The following DCLRE1C variants were observed in gnomAD, a reference collection of about 807,000 sequenced individuals.
The protein encoded by DCLRE1C is protein artemis.
Under a neutral mutation model 61.4 loss-of-function variants are expected in DCLRE1C, and 47 were observed. The ratio of observed to expected loss-of-function variants is 0.77; its 90% CI spans 0.61 to 0.98. The LOEUF (loss-of-function observed/expected upper bound fraction) is 0.98. DCLRE1C is among the 50% of genes least tolerant of loss of function. The pLI, the probability that DCLRE1C is intolerant of heterozygous loss-of-function variation, is 0.00. For synonymous variants in DCLRE1C, 337 were observed against 287.6 expected, an observed-to-expected ratio of 1.17 and a Z score of -1.74; for missense variants, 858 against 816.0, an observed-to-expected ratio of 1.05 and a Z score of -0.63.
At chr10:14,919,375 TAAG>T (rs1468387433) in intron 13 of DCLRE1C, among the ~76,000 whole-genome samples, 1 of 151,760 alleles carries the variant, frequency 6.6e-6, no homozygotes, top group African/African-American at 2.4e-5. Flanking sequence ...ACTAGTATCT[TAAG>T]AAAATGTTCA....
chr10:14,897,676 A>C (rs1833680523), exon 14 of DCLRE1C: 4 of 563,438 alleles, frequency 7.1e-6, no homozygotes, highest in African/African-American at 1.9e-5. Flanking sequence ...GTTCACTGGC[A>C]TATTTAGAAA....
At chr10:14,910,571 G>T (rs141639977) in intron 13 of DCLRE1C, among the ~76,000 whole-genome samples, 316 of 152,184 alleles carry the variant, frequency 2.1e-3, no homozygotes, top group African/African-American at 7.1e-3. Flanking sequence ...TGGAATTAGA[G>T]GCATGAGCCA....
chr10:14,944,673 CTTT>C (rs1165126470), intron 3 of DCLRE1C, among the ~76,000 whole-genome samples: 2 of 117,734 alleles, frequency 1.7e-5, no homozygotes, highest in Non-Finnish European at 3.6e-5. Flanking sequence ...TTTTTTTTTT[CTTT>C]TTTTTTTTTT....
At chr10:14,944,172 C>G (rs1055343751) in intron 3 of DCLRE1C, among the ~76,000 whole-genome samples, 1 of 152,132 alleles carries the variant, frequency 6.6e-6, no homozygotes, top group African/African-American at 2.4e-5. Flanking sequence ...ACTTTACACT[C>G]TAAAATATTA....
intron 4 of DCLRE1C, among the ~76,000 whole-genome samples, chr10:14,938,977 T>G (rs1402244249): frequency 6.6e-6 from 1 of 152,216 alleles, no homozygotes; most frequent in Non-Finnish European, 1.5e-5. Flanking sequence ...ATTCCTATGT[T>G]GAAATCCTAA....
chr10:14,907,706 C>A lies in DCLRE1C; in HGVS notation c.*702G>T, dbSNP rs1255154389. On this transcript the variant is annotated 3_prime_UTR_variant, in exon 14 of 14. Transcript: ENST00000378278. Reference sequence around the variant, plus strand: ...TTACATGGTTTTTCCATCCTTTTAACCTATCAATCACTTGAATTGACTTTC... The same window carrying A: ...TTACATGGTTTTTCCATCCTTTTAAACTATCAATCACTTGAATTGACTTTC... 6.6e-6 allele frequency among the ~76,000 whole-genome samples: 1 copy of A among 152,072 alleles called. No homozygotes were observed. Among genetic ancestry groups the A allele is most frequent in the African/African-American group, 2.4e-5 (1 of 41,404 alleles).
In DCLRE1C at chr10:14,939,174, C is replaced by T. The variant is rs530953464; in HGVS notation, c.306+636G>A. On this transcript the variant is annotated intron_variant, in intron 4 of 13. Coordinates refer to ENST00000378278, the MANE Select transcript of DCLRE1C (RefSeq NM_001033855.3). ...GGAAGTGGCCAGGCACAGTGACTCA[C>T]GCCTGTCACCCCAGAACTTTGGGAG... is the stretch of plus-strand genomic sequence containing the variant. Among the ~76,000 whole-genome samples, 10 of 152,204 alleles carry T rather than the reference C, an allele frequency of 6.6e-5. No homozygotes were observed. The East Asian group carries it at 9.7e-4, about 15-fold the overall frequency.
rs767611987 is a variant in DCLRE1C at position 14,926,831 on chromosome 10, G to A, written c.972+12C>T. On this transcript the variant is annotated intron_variant, in intron 11 of 13. Coordinates refer to ENST00000378278, the MANE Select transcript of DCLRE1C (RefSeq NM_001033855.3). ...GAGCGATAAGGGTTATGAGTATATG[G>A]GATCCTCTTACCTCACTGTAGGAGG... 1 of 1,607,990 alleles carries A rather than the reference G, an allele frequency of 6.2e-7. No individual in the cohort carries two copies. Among genetic ancestry groups the A allele is most frequent in the South Asian group, 1.1e-5 (1 of 90,922 alleles).
intron 1 of DCLRE1C, 71 bp downstream of exon 1, chr10:14,953,831 G>A (rs1487086903): frequency 6.3e-6 from 10 of 1,597,938 alleles, no homozygotes; most frequent in Non-Finnish European, 8.5e-6. Context: ...CTTGCTCCAG[G>A]GCCGGCCCCC....
intron 2 of DCLRE1C, among the ~76,000 whole-genome samples, chr10:14,947,282 T>C (rs1431315209): frequency 6.6e-6 from 1 of 152,060 alleles, no homozygotes; most frequent in Non-Finnish European, 1.5e-5. Flanking sequence ...CTGTGTGAGT[T>C]TTCCCAGCCC....
chr10:14,950,262 C>A (rs1842264236), intron 1 of DCLRE1C, among the ~76,000 whole-genome samples: 1 of 151,688 alleles, frequency 6.6e-6, no homozygotes, highest in African/African-American at 2.4e-5. Flanking sequence ...ATTGCTTGAA[C>A]CCCGAAGGCA....
chr10:14,912,065 C>A (rs924000759), intron 13 of DCLRE1C, among the ~76,000 whole-genome samples: 1 of 152,190 alleles, frequency 6.6e-6, no homozygotes, highest in African/African-American at 2.4e-5. Context: ...GAACTGAACG[C>A]TTCCTGTCAA....
At chr10:14,952,633 G>A (rs1404126108) in intron 1 of DCLRE1C, among the ~76,000 whole-genome samples, 1 of 151,964 alleles carries the variant, frequency 6.6e-6, no homozygotes, top group African/African-American at 2.4e-5. Flanking sequence ...GCTGACTCCT[G>A]TAGTCCCAAC....
intron 12 of DCLRE1C, among the ~76,000 whole-genome samples, chr10:14,922,333 C>A (rs747916283): frequency 2.6e-5 from 4 of 151,344 alleles, no homozygotes; most frequent in Non-Finnish European, 5.9e-5. Context: ...CACAGCTACT[C>A]GGGAGGCTGA....
At chr10:14,915,502 G>A (rs1836025595) in intron 13 of DCLRE1C, among the ~76,000 whole-genome samples, 1 of 151,352 alleles carries the variant, frequency 6.6e-6, no homozygotes, top group African/African-American at 2.4e-5. Context: ...TAAACATTAA[G>A]AACAAGTTTA....
chr10:14,935,440 A>G, intron 6 of DCLRE1C, 23 bp downstream of exon 6: 1 of 1,605,486 alleles, frequency 6.2e-7, no homozygotes, highest in Non-Finnish European at 8.5e-7. Context: ...AAAATAAAAT[A>G]AAACCTATAC....
At position 14,909,229 on chromosome 10, in the gene DCLRE1C, C is replaced by A; in HGVS notation, c.1258G>T (p.Ala420Ser). The A allele has an allele frequency of 6.2e-7, 1 of 1,613,960 alleles. No individual in the cohort carries two copies. Among genetic ancestry groups the A allele is most frequent in the Non-Finnish European group, 8.5e-7 (1 of 1,179,962 alleles). Residue 420 changes from alanine to serine, a missense_variant, in exon 14 of 14, where the codon GCA becomes TCA. By Grantham distance (99) the Ala-to-Ser change is moderately conservative (BLOSUM62 1). Transcript: ENST00000378278. ...TFHPEVFSMTAVSEKQPEKLR... is the reference protein window; with the variant it reads ...TFHPEVFSMTSVSEKQPEKLR... ...TTTTCAGGCTGCTTTTCTGATACTG[C>A]AGTCATTGAAAATACCTCAGGGTGA...
rs745996545 is a variant in DCLRE1C, at chr10:14,908,662, C to A, written c.1825G>T (p.Asp609Tyr). The change falls in exon 14 of 14, where the codon GAT becomes TAT. Residue 609 changes from aspartate (D) to tyrosine (Y), a missense_variant. Around this residue, in one of 2 missense-constraint regions of DCLRE1C, gnomAD observed 843 missense variants for 783.5 expected, o/e 1.08. Transcript: ENST00000378278. ...KDTYSDLKSR[D>Y]KDVTIVPSTG... ...CTAGGAACTATTGTCACATCTTTAT[C>A]TCTGCTTTTCAAATCAGAGTAAGTA... The A allele has an allele frequency of 3.0e-5, 48 of 1,614,062 alleles. No homozygotes were observed. The highest frequency in any genetic ancestry group is 4.0e-5 in the Non-Finnish European group (47 of 1,180,040).
chr10:14,949,269 G>T (rs1392490847), intron 1 of DCLRE1C, among the ~76,000 whole-genome samples, 182 bp from the exon 2 acceptor site: 3 of 152,166 alleles, frequency 2.0e-5, no homozygotes, highest in Non-Finnish European at 4.4e-5. Flanking sequence ...CTCAGAACAG[G>T]ACCGGCTGCC....
Sources: gnomAD v4.1 joint callset for allele counts (sites outside exome capture counted in the v4.1 genomes callset) on GRCh38, gnomAD v4.1.1 for gene constraint, gnomAD v4.1.1 regional missense constraint, MANE v1.5 for transcripts, NCBI Gene and HGNC (gene_info 2026-07-23, HGNC 2026-07-21) for gene names.